Variants in NKAIN3 observed in about 807,000 individuals in gnomAD.
The protein encoded by NKAIN3 is sodium/potassium transporting ATPase interacting 3, also known as sodium/potassium-transporting ATPase subunit beta-1-interacting protein 3.
NKAIN3 carries 25 observed loss-of-function variants against 30.2 expected under a neutral mutation model. That is an observed-to-expected ratio of 0.83 (90% confidence interval 0.60 to 1.16). NKAIN3 has a LOEUF of 1.16. Among genes scored for constraint, NKAIN3 ranks in the 50% most tolerant of loss-of-function variants. NKAIN3 has a pLI of 0.00. For synonymous variants in NKAIN3, 91 were observed against 89.6 expected, an observed-to-expected ratio of 1.02 and a Z score of -0.09; for missense variants, 225 against 254.1, an observed-to-expected ratio of 0.89 and a Z score of 0.78.
chr8:62,433,227 G>A (rs555774458), intron 1 of NKAIN3, among the ~76,000 whole-genome samples: 51 of 152,080 alleles, frequency 3.4e-4, no homozygotes, highest in Admixed American at 1.2e-3. Flanking sequence ...TCAGGTTTGC[G>A]AGCCATCTCT....
intron 1 of NKAIN3, among the ~76,000 whole-genome samples, chr8:62,480,423 G>A (rs949736836): frequency 2.6e-5 from 4 of 151,806 alleles, no homozygotes; most frequent in African/African-American, 9.7e-5. Context: ...TAAAGCTGGG[G>A]GGAAAATCAC....
rs1312349527 is a variant in NKAIN3 at position 62,849,605 on chromosome 8, CCCA to C, written c.472-68845_472-68843del. 5.4e-5 allele frequency among the ~76,000 whole-genome samples: 7 copies of C among 129,538 alleles called. No homozygotes were observed. The East Asian group carries it at 1.4e-3, about 26-fold the overall frequency. 85.0% of individuals were successfully genotyped at this position (129,538 alleles called of 152,430 possible). A position where few individuals can be genotyped will look rare whatever the true frequency, so the allele number is the denominator to read the frequency against. ...CTAATGCTATCCCTCTCCCCTCCCC[CCCA>C]CCCACCCCACAACAGGTCCAAGTGT... On this transcript the variant is annotated intron_variant, in intron 4 of 6. Transcript: ENST00000623646.
At chr8:62,258,003 G>A (rs1177112646) in intron 1 of NKAIN3, among the ~76,000 whole-genome samples, 1 of 151,670 alleles carries the variant, frequency 6.6e-6, no homozygotes, top group Non-Finnish European at 1.5e-5. Flanking sequence ...AATAGTCTTT[G>A]CTTTTAAAAC....
intron 4 of NKAIN3, among the ~76,000 whole-genome samples, chr8:62,824,183 A>G (rs919493144): frequency 6.6e-6 from 1 of 152,140 alleles, no homozygotes; most frequent in Admixed American, 6.6e-5. Context: ...ACATTGGGTC[A>G]GACATTTTTC....
At chr8:62,518,421 G>T (rs545077247) in intron 1 of NKAIN3, among the ~76,000 whole-genome samples, 13 of 152,164 alleles carry the variant, frequency 8.5e-5, no homozygotes, top group African/African-American at 2.4e-4. Flanking sequence ...CTGATTTTGG[G>T]CTATTTAGTT....
At chr8:62,815,478 A>G (rs1322920900) in intron 4 of NKAIN3, among the ~76,000 whole-genome samples, 1 of 152,214 alleles carries the variant, frequency 6.6e-6, no homozygotes, top group Non-Finnish European at 1.5e-5. Flanking sequence ...TCAATAAAAT[A>G]CTGGCAAACT....
intron 1 of NKAIN3, among the ~76,000 whole-genome samples, chr8:62,381,784 A>G (rs766150592): frequency 5.9e-5 from 9 of 152,116 alleles, no homozygotes; most frequent in Non-Finnish European, 1.0e-4. Flanking sequence ...ATGACTGTAT[A>G]ACTCTCAATA....
chr8:62,438,294 T>G (rs187298832), intron 1 of NKAIN3, among the ~76,000 whole-genome samples: 1 of 152,328 alleles, frequency 6.6e-6, no homozygotes, highest in African/African-American at 2.4e-5. Flanking sequence ...AAGGAGAGAA[T>G]AAAATCAATC....
At chr8:62,677,755 G>T (rs766198168) in intron 3 of NKAIN3, among the ~76,000 whole-genome samples, 2 of 152,064 alleles carry the variant, frequency 1.3e-5, no homozygotes, top group African/African-American at 4.8e-5. Flanking sequence ...TCTCACTTCC[G>T]CTCTTCTAGG....
intron 1 of NKAIN3, among the ~76,000 whole-genome samples, chr8:62,311,690 C>G (rs1814437097): frequency 6.6e-6 from 1 of 150,398 alleles, no homozygotes; most frequent in South Asian, 2.1e-4. Context: ...GTTTTCATCT[C>G]CACATGGACG....
chr8:62,541,993 T>G (rs1808860083), intron 1 of NKAIN3, among the ~76,000 whole-genome samples: 1 of 152,212 alleles, frequency 6.6e-6, no homozygotes, highest in African/African-American at 2.4e-5. Flanking sequence ...GCTTGCTGCC[T>G]GTGGACCTCA....
intron 1 of NKAIN3, among the ~76,000 whole-genome samples, chr8:62,409,470 C>T (rs1469699986): frequency 6.6e-6 from 1 of 152,164 alleles, no homozygotes; most frequent in Non-Finnish European, 1.5e-5. Flanking sequence ...AGTCATGAAC[C>T]ACTGTGCCTG....
chr8:62,828,614 G>A (rs910538951), intron 4 of NKAIN3, among the ~76,000 whole-genome samples: 1 of 105,576 alleles, frequency 9.5e-6, no homozygotes, highest in Non-Finnish European at 2.3e-5. Context: ...ATTGAGACAG[G>A]AGGAGTCAAC....
rs1818524388 is a variant in NKAIN3, at chr8:62,812,594, A to C, written c.471+65465A>C. Among the ~76,000 whole-genome samples the C allele has an allele frequency of 2.0e-5, 3 of 151,684 alleles. 1 individual carries two copies. In the South Asian group the frequency reaches 6.2e-4, roughly 31 times the overall value. On this transcript the variant is annotated intron_variant, in intron 4 of 6. Transcript: ENST00000623646. ...TGTAACCTTGCTTCACTCACTTATTAGTTCTAGGAGAGTTTTTTTTTAATT... is the reference window on the plus strand; with the variant it reads ...TGTAACCTTGCTTCACTCACTTATTCGTTCTAGGAGAGTTTTTTTTTAATT...
intron 1 of NKAIN3, among the ~76,000 whole-genome samples, chr8:62,300,321 A>T (rs955373548): frequency 6.6e-6 from 1 of 152,152 alleles, no homozygotes; most frequent in Non-Finnish European, 1.5e-5. Flanking sequence ...ATTAAATTAA[A>T]CGAGAACAAA....
At position 62,410,753 on chromosome 8, in the gene NKAIN3, C is replaced by CAA. The variant is rs1804212455; in HGVS notation, c.54+161627_54+161628dup. ...TGAACAACTCTATGCACATAAATTA[C>CAA]AAGATCTAGAGAAAATGATGAATTC... On this transcript the variant is annotated intron_variant, in intron 1 of 6. Transcript: ENST00000623646. 2.6e-5 allele frequency among the ~76,000 whole-genome samples: 4 copies of CAA among 152,004 alleles called. No homozygotes were observed. The East Asian group carries it at 7.7e-4, about 29-fold the overall frequency.
intron 3 of NKAIN3, among the ~76,000 whole-genome samples, chr8:62,651,601 T>C (rs941550996): frequency 2.0e-5 from 3 of 152,212 alleles, no homozygotes; most frequent in Non-Finnish European, 2.9e-5. Context: ...GGCCTACTTT[T>C]TGGTTCATGG....
chr8:62,660,509 C>G (rs533600066), intron 3 of NKAIN3, among the ~76,000 whole-genome samples: 1 of 151,362 alleles, frequency 6.6e-6, no homozygotes, highest in African/African-American at 2.4e-5. Flanking sequence ...TTAGTAGAGA[C>G]GAAGACCCAG....
chr8:62,338,859 C>G lies in NKAIN3; in HGVS notation c.54+89732C>G, dbSNP rs148401862. 1.9e-4 allele frequency among the ~76,000 whole-genome samples: 29 copies of G among 152,014 alleles called. No individual in the cohort carries two copies. The East Asian group carries it at 5.5e-3, about 29-fold the overall frequency. ...GGTAGCTGACTAGATGGTGCTCAGC[C>G]AAATTAAGGGTGGATCTGCCTTCCC... On this transcript the variant is annotated intron_variant, in intron 1 of 6. Coordinates refer to ENST00000623646, the MANE Select transcript of NKAIN3 (RefSeq NM_001304533.3).
Sources: gnomAD v4.1 joint callset for allele counts (sites outside exome capture counted in the v4.1 genomes callset) on GRCh38, gnomAD v4.1.1 for gene constraint, MANE v1.5 for transcripts, NCBI Gene and HGNC (gene_info 2026-07-23, HGNC 2026-07-21) for gene names.